CHD9: variants seen among roughly 807,000 people sequenced by gnomAD.
CHD9 encodes the protein ATP-dependent chromatin remodeler CHD9.
A neutral mutation model predicts 316.1 loss-of-function variants in CHD9; 77 were observed. The ratio of observed to expected loss-of-function variants is 0.24; its 90% CI spans 0.20 to 0.29. The LOEUF (loss-of-function observed/expected upper bound fraction) is 0.29. CHD9 is among the 10% of genes least tolerant of loss of function. The pLI is 1.00. For missense variants in CHD9, 2,763 were observed against 3,438.1 expected, an observed-to-expected ratio of 0.80 and a Z score of 4.91; for synonymous variants, 1,129 against 1,158.3, an observed-to-expected ratio of 0.97 and a Z score of 0.51.
At chr16:53,273,160 G>A (rs950459348) in intron 22 of CHD9, among the ~76,000 whole-genome samples, 3 of 152,022 alleles carry the variant, frequency 2.0e-5, no homozygotes, top group Non-Finnish European at 2.9e-5. Context: ...GTGGCAGTAC[G>A]TTTTTGTAGT....
At chr16:53,274,672 G>A (rs1482931076) in intron 24 of CHD9, among the ~76,000 whole-genome samples, 3 of 151,972 alleles carry the variant, frequency 2.0e-5, no homozygotes, top group Non-Finnish European at 4.4e-5. Flanking sequence ...TGGCCAGGCT[G>A]GTTTCGAACT....
chr16:53,222,100 G>A (rs1257898998), intron 3 of CHD9, among the ~76,000 whole-genome samples: 1 of 151,660 alleles, frequency 6.6e-6, no homozygotes, highest in African/African-American at 2.4e-5. Context: ...TCATTGAGAT[G>A]GAGTTTCGCT....
intron 24 of CHD9, among the ~76,000 whole-genome samples, chr16:53,278,684 A>G (rs1054963820): frequency 1.2e-4 from 18 of 152,240 alleles, no homozygotes; most frequent in Non-Finnish European, 2.5e-4. Context: ...CAACCCCATC[A>G]ACAAGTGGGA....
At chr16:53,267,552 A>G in intron 21 of CHD9, 62 bp downstream of exon 21, 3 of 1,189,522 alleles carry the variant, frequency 2.5e-6, no homozygotes, top group Non-Finnish European at 3.5e-6. Context: ...CAGAAAATAT[A>G]TACTGGTTTT....
chr16:53,193,345 A>G (rs919125632), intron 2 of CHD9, among the ~76,000 whole-genome samples: 1 of 151,886 alleles, frequency 6.6e-6, no homozygotes, highest in African/African-American at 2.4e-5. Flanking sequence ...GCTACTCTGG[A>G]GGCTGAGGCA....
At chr16:53,306,854 A>C (rs866456649) in intron 32 of CHD9, among the ~76,000 whole-genome samples, 38 of 152,130 alleles carry the variant, frequency 2.5e-4, no homozygotes, top group African/African-American at 8.7e-4. Flanking sequence ...ATCTCAGCTC[A>C]CTGCAACCTC....
chr16:53,295,133 T>G (rs1450243916), intron 29 of CHD9, among the ~76,000 whole-genome samples: 1 of 152,168 alleles, frequency 6.6e-6, no homozygotes, highest in Non-Finnish European at 1.5e-5. Flanking sequence ...CTAATAATTT[T>G]TTTTCTTTCT....
intron 1 of CHD9, among the ~76,000 whole-genome samples, chr16:53,074,013 T>C (rs2034313678): frequency 6.6e-6 from 1 of 152,188 alleles, no homozygotes; most frequent in Non-Finnish European, 1.5e-5. Flanking sequence ...GTTTGGAACT[T>C]CCTAGAGACT....
intron 1 of CHD9, chr16:53,121,837 G>C (rs2038754494): frequency 6.6e-6 from 1 of 152,630 alleles, no homozygotes; most frequent in African/African-American, 2.4e-5. Flanking sequence ...TCTTCACCGA[G>C]TTAAGGAAAT....
intron 1 of CHD9, among the ~76,000 whole-genome samples, chr16:53,075,655 C>T (rs2034460973): frequency 6.6e-6 from 1 of 152,156 alleles, no homozygotes; most frequent in Non-Finnish European, 1.5e-5. Flanking sequence ...TTTTCTCTTG[C>T]TGCTGCTACA....
intron 1 of CHD9, among the ~76,000 whole-genome samples, chr16:53,103,468 A>C (rs1385199295): frequency 6.6e-6 from 1 of 152,232 alleles, no homozygotes; most frequent in Non-Finnish European, 1.5e-5. Context: ...GGCAGGTTAA[A>C]AGGGAACTCA....
chr16:53,289,382 C>G (rs1043894596), intron 27 of CHD9, among the ~76,000 whole-genome samples: 1 of 151,700 alleles, frequency 6.6e-6, no homozygotes, highest in Non-Finnish European at 1.5e-5. Flanking sequence ...TAATGGGACC[C>G]CATCTCTAAA....
chr16:53,123,628 A>C (rs2038842087), intron 1 of CHD9, among the ~76,000 whole-genome samples: 1 of 151,994 alleles, frequency 6.6e-6, no homozygotes, highest in Non-Finnish European at 1.5e-5. Context: ...CAGCCTCCTG[A>C]GTAGCTGAGA....
At chr16:53,173,674 A>G (rs1160326599) in intron 2 of CHD9, among the ~76,000 whole-genome samples, 1 of 151,916 alleles carries the variant, frequency 6.6e-6, no homozygotes, top group Non-Finnish European at 1.5e-5. Context: ...CCTCCAGAGT[A>G]GCTGGGACTA....
intron 7 of CHD9, 124 bp downstream of exon 7, chr16:53,227,727 A>G (rs1178775133): frequency 8.0e-6 from 2 of 250,876 alleles, no homozygotes. Flanking sequence ...TATTATTTAT[A>G]CCTGCATAAC....
chr16:53,173,282 G>A (rs1304340927), intron 2 of CHD9, among the ~76,000 whole-genome samples: 2 of 151,960 alleles, frequency 1.3e-5, no homozygotes, highest in Non-Finnish European at 2.9e-5. Context: ...GCTTTTCAAG[G>A]TATTTTTCCC....
intron 24 of CHD9, among the ~76,000 whole-genome samples, chr16:53,283,434 C>A (rs1002288764): frequency 6.6e-6 from 1 of 152,184 alleles, no homozygotes; most frequent in Non-Finnish European, 1.5e-5. Flanking sequence ...ACATTTGAAA[C>A]ATGAGTTTTG....
chr16:53,113,799 A>T (rs369681496), intron 1 of CHD9, among the ~76,000 whole-genome samples: 9 of 151,908 alleles, frequency 5.9e-5, no homozygotes, highest in African/African-American at 2.2e-4. Flanking sequence ...CTGAACTCCT[A>T]GGCGTAAGCG....
intron 21 of CHD9, among the ~76,000 whole-genome samples, 195 bp from the exon 22 acceptor site, chr16:53,267,732 T>A (rs1332138601): frequency 6.6e-6 from 1 of 152,160 alleles, no homozygotes; most frequent in Non-Finnish European, 1.5e-5. Flanking sequence ...GTAATACAAA[T>A]TAGATGTTAT....
Sources: gnomAD v4.1 joint callset for allele counts (sites outside exome capture counted in the v4.1 genomes callset) on GRCh38, gnomAD v4.1.1 for gene constraint, MANE v1.5 for transcripts, NCBI Gene and HGNC (gene_info 2026-07-23, HGNC 2026-07-21) for gene names.